The following ETS1 variants were observed in gnomAD, a reference collection of about 807,000 sequenced individuals.
ETS1 encodes ETS proto-oncogene 1, transcription factor.
A neutral mutation model predicts 58.6 loss-of-function variants in ETS1; 15 were observed. The observed-to-expected ratio is 0.26, with a 90% CI of 0.17 to 0.39. ETS1 has a LOEUF of 0.39. Among genes scored for constraint, ETS1 ranks in the 10% least tolerant of loss-of-function variants. ETS1 has a pLI of 1.00. For missense variants in ETS1, 417 were observed against 610.5 expected (o/e 0.68, Z 3.34); for synonymous variants, 214 against 218.2 (o/e 0.98, Z 0.17).
At chr11:128,519,744 G>C (rs1863614618) in intron 3 of ETS1, among the ~76,000 whole-genome samples, 1 of 152,140 alleles carries the variant, frequency 6.6e-6, no homozygotes, top group South Asian at 2.1e-4. Context: ...AACAGGAATT[G>C]ATTGTACTTC....
intron 8 of ETS1, among the ~76,000 whole-genome samples, chr11:128,469,848 C>T (rs1862137159): frequency 6.6e-6 from 1 of 152,206 alleles, no homozygotes. Context: ...CCCACCCTGA[C>T]CCAATCTTAT....
At chr11:128,579,902 A>G (rs1223379434) in intron 1 of ETS1, among the ~76,000 whole-genome samples, 6 of 151,934 alleles carry the variant, frequency 3.9e-5, no homozygotes, top group Non-Finnish European at 8.8e-5. Context: ...CTCTTTGGCA[A>G]TTGCATGGAC....
intron 2 of ETS1, among the ~76,000 whole-genome samples, chr11:128,561,711 T>C (rs1479008181): frequency 1.3e-5 from 2 of 152,238 alleles, no homozygotes; most frequent in Non-Finnish European, 2.9e-5. Context: ...CTTATGTTTA[T>C]GCAGTGAAAA....
intron 8 of ETS1, among the ~76,000 whole-genome samples, chr11:128,470,754 T>C (rs1472851828): frequency 1.3e-5 from 2 of 152,242 alleles, no homozygotes; most frequent in East Asian, 3.9e-4. Flanking sequence ...AAATTGGCCT[T>C]CGTATGGCAA....
At chr11:128,485,358 G>A (rs1862601341) in intron 6 of ETS1, among the ~76,000 whole-genome samples, 1 of 152,130 alleles carries the variant, frequency 6.6e-6, no homozygotes, top group Non-Finnish European at 1.5e-5. Flanking sequence ...GAGGTCAAAT[G>A]CCCACCAACA....
chr11:128,522,605 C>CTTT lies in ETS1; in HGVS notation c.215-32030_215-32029insAAA, dbSNP rs1163455924. Among the ~76,000 whole-genome samples the CTTT allele has an allele frequency of 2.0e-5, 3 of 152,222 alleles. No individual in the cohort carries two copies. The East Asian group carries it at 5.8e-4, about 29-fold the overall frequency. On this transcript the variant is annotated intron_variant, in intron 3 of 9. Transcript: ENST00000392668. ...CCGGGCCTCGGAGCCCAGGCAGGGG[C>CTTT]GGGAAGGGCCGGGAGCGGGTGTGCA...
chr11:128,519,865 GA>G (rs143880791), intron 3 of ETS1, among the ~76,000 whole-genome samples: 27,561 of 149,012 alleles, frequency 0.18, 2,835 homozygotes, highest in South Asian at 0.24. Context: ...TAAAGGTCCA[GA>G]AAAAAAAAAG....
intron 3 of ETS1, among the ~76,000 whole-genome samples, chr11:128,514,580 C>A (rs1158007079): frequency 2.0e-5 from 3 of 152,166 alleles, no homozygotes; most frequent in Non-Finnish European, 4.4e-5. Context: ...AACACTGTTG[C>A]AAGAGAGAGC....
chr11:128,486,931 G>T (rs1862649516), intron 5 of ETS1, among the ~76,000 whole-genome samples: 1 of 152,210 alleles, frequency 6.6e-6, no homozygotes, highest in African/African-American at 2.4e-5. Flanking sequence ...TTCACCATAA[G>T]AATCTGACAT....
intron 3 of ETS1, among the ~76,000 whole-genome samples, chr11:128,516,718 T>A (rs543252093): frequency 6.6e-5 from 10 of 151,864 alleles, no homozygotes; most frequent in Non-Finnish European, 1.3e-4. Context: ...TGGACTTTTT[T>A]AAAAAAAACT....
At chr11:128,564,602 G>A (rs530339509) in intron 2 of ETS1, among the ~76,000 whole-genome samples, 221 of 152,288 alleles carry the variant, frequency 1.5e-3, no homozygotes, top group Non-Finnish European at 2.4e-3. Flanking sequence ...GCTGAAGGAC[G>A]GGGAGGGGGT....
chr11:128,489,281 C>T lies in ETS1; in HGVS notation c.535+9G>A, dbSNP rs746863375. ...TAACCTCCACCTCTCTCTGTTTCCA[C>T]ATATTTACCTTTCTGCAGGATCTCT... On this transcript the variant is annotated intron_variant, in intron 5 of 9. Transcript: ENST00000392668. The T allele has an allele frequency of 6.2e-7, 1 of 1,613,138 alleles. No individual in the cohort carries two copies. Among genetic ancestry groups the T allele is most frequent in the Non-Finnish European group, 8.5e-7 (1 of 1,179,124 alleles).
At chr11:128,497,076 C>A (rs1216758349) in intron 3 of ETS1, among the ~76,000 whole-genome samples, 3 of 152,194 alleles carry the variant, frequency 2.0e-5, no homozygotes, top group African/African-American at 7.2e-5. Flanking sequence ...AGGAAACATA[C>A]AACTGGGTTT....
At position 128,514,075 on chromosome 11, in the gene ETS1, TACAA is replaced by T. The variant is rs542761577; in HGVS notation, c.215-23503_215-23500del. Reference sequence around the variant, plus strand: ...CTAGATACTTCAAAAAACCCGTATCTACAAACACTCACCAGGCTTAGCAGATTCC... The same window carrying T: ...CTAGATACTTCAAAAAACCCGTATCTACACTCACCAGGCTTAGCAGATTCC... On this transcript the variant is annotated intron_variant, in intron 3 of 9. Coordinates refer to ENST00000392668, the MANE Select transcript of ETS1 (RefSeq NM_001143820.2). 2.1e-3 allele frequency among the ~76,000 whole-genome samples: 325 copies of T among 152,308 alleles called. 2 individuals carry two copies. The highest frequency in any genetic ancestry group is 6.8e-3 in the African/African-American group (282 of 41,560).
At chr11:128,522,453 G>C (rs1863710636) in intron 3 of ETS1, 4 of 629,344 alleles carry the variant, frequency 6.4e-6, no homozygotes, top group African/African-American at 2.0e-5. Flanking sequence ...CGGGGCGTCG[G>C]GGCAGGGCGG....
At chr11:128,580,482 A>G (rs923840922) in intron 1 of ETS1, among the ~76,000 whole-genome samples, 4 of 152,204 alleles carry the variant, frequency 2.6e-5, no homozygotes, top group African/African-American at 9.6e-5. Flanking sequence ...AGGAAAGCTG[A>G]ACATTCCTTA....
Position 128,463,363 on chromosome 11 carries a change from A to G in ETS1, c.1242+146T>C. The G allele has an allele frequency of 3.2e-6, 2 of 631,538 alleles. No homozygotes were observed. Among genetic ancestry groups the G allele is most frequent in the Non-Finnish European group, 5.8e-6 (2 of 347,788 alleles). 39.1% of individuals were successfully genotyped at this position (631,538 alleles called of 1,614,324 possible). A position where few individuals can be genotyped will look rare whatever the true frequency, so the allele number is the denominator to read the frequency against. ...TCCAAATAATGAACCTGGAGCTCAG[A>G]CAGGCTACCTAGCTTGCTCCGGGTG... On this transcript the variant is annotated intron_variant, in intron 9 of 9. Coordinates refer to ENST00000392668, the MANE Select transcript of ETS1 (RefSeq NM_001143820.2). The surrounding 1 kb of genome is among the most constrained non-coding windows in gnomAD (Gnocchi z 4.1).
chr11:128,554,431 T>A (rs939088994), intron 3 of ETS1, among the ~76,000 whole-genome samples: 1 of 152,134 alleles, frequency 6.6e-6, no homozygotes, highest in South Asian at 2.1e-4. Flanking sequence ...GAGAAGAAGA[T>A]GATATTACCC....
chr11:128,563,929 A>G (rs1269349284), intron 2 of ETS1, among the ~76,000 whole-genome samples: 3 of 152,184 alleles, frequency 2.0e-5, no homozygotes, highest in Non-Finnish European at 4.4e-5. Context: ...GGTTGCATGT[A>G]GTTGCCCTTG....
Sources: gnomAD v4.1 joint callset for allele counts (sites outside exome capture counted in the v4.1 genomes callset) on GRCh38, gnomAD v4.1.1 for gene constraint, Gnocchi (gnomAD v3.1) non-coding constraint, MANE v1.5 for transcripts, NCBI Gene and HGNC (gene_info 2026-07-23, HGNC 2026-07-21) for gene names.